ARHGAP28: variants seen among roughly 807,000 people sequenced by gnomAD.
The protein encoded by ARHGAP28 is rho GTPase-activating protein 28.
ARHGAP28 carries 56 observed loss-of-function variants against 90.7 expected under a neutral mutation model. The observed-to-expected ratio is 0.62, with a 90% CI of 0.50 to 0.77. The LOEUF is 0.77. ARHGAP28 is among the 30% of genes least tolerant of loss of function. The pLI is 0.00. For missense variants in ARHGAP28, 869 were observed against 900.9 expected (o/e 0.96, Z 0.45); for synonymous variants, 308 against 323.3 (o/e 0.95, Z 0.51).
At chr18:6,882,422 G>T in intron 11 of ARHGAP28, 123 bp downstream of exon 11, 1 of 911,816 alleles carries the variant, frequency 1.1e-6, no homozygotes, top group Non-Finnish European at 1.6e-6. Flanking sequence ...AGTGCTTGGT[G>T]GAATATTAAG....
rs150703878 is a variant in ARHGAP28 at position 6,777,754 on chromosome 18, A to ATGAATGAG, written c.123-47001_123-47000insGTGAATGA. On this transcript the variant is annotated intron_variant, in intron 1 of 17. Transcript: ENST00000383472. ...AATGAATGAATGAATGAATGAGTGA[A>ATGAATGAG]TGAATGAATGAATGAATAAAACAGT... is the stretch of plus-strand genomic sequence containing the variant. Among the ~76,000 whole-genome samples the ATGAATGAG allele has an allele frequency of 1.2e-3, 188 of 150,968 alleles. 3 individuals are homozygous for ATGAATGAG. Among genetic ancestry groups the ATGAATGAG allele is most frequent in the East Asian group, 0.011 (56 of 5,076 alleles).
intron 1 of ARHGAP28, among the ~76,000 whole-genome samples, chr18:6,766,913 G>A (rs1039982617): frequency 2.6e-5 from 4 of 152,112 alleles, no homozygotes; most frequent in African/African-American, 4.8e-5. Flanking sequence ...GTCATATCTT[G>A]GTCCGTCCTT....
intron 1 of ARHGAP28, among the ~76,000 whole-genome samples, chr18:6,740,125 A>T (rs1416245943): frequency 6.6e-6 from 1 of 152,210 alleles, no homozygotes; most frequent in Non-Finnish European, 1.5e-5. Context: ...AAGTGCTGGG[A>T]TTACAGGCAT....
intron 1 of ARHGAP28, among the ~76,000 whole-genome samples, chr18:6,752,440 C>A (rs72882592): frequency 0.036 from 5,460 of 152,262 alleles, 128 homozygotes; most frequent in South Asian, 0.049. Context: ...AGTCAATAAA[C>A]GTCTAGCGCT....
At chr18:6,861,173 C>T (rs73941145) in intron 5 of ARHGAP28, among the ~76,000 whole-genome samples, 2,703 of 152,270 alleles carry the variant, frequency 0.018, 90 homozygotes, top group African/African-American at 0.062. Context: ...TATCTTCCAC[C>T]ACAGCTTGTG....
intron 14 of ARHGAP28, among the ~76,000 whole-genome samples, chr18:6,891,741 C>G (rs2057267064): frequency 6.6e-6 from 1 of 152,112 alleles, no homozygotes; most frequent in African/African-American, 2.4e-5. Flanking sequence ...ATGCATACCA[C>G]CATACCTGGC....
intron 1 of ARHGAP28, chr18:6,791,401 A>AC (rs1400613462): frequency 6.6e-6 from 1 of 152,172 alleles, no homozygotes; most frequent in Non-Finnish European, 1.5e-5. Flanking sequence ...TCACAGACAC[A>AC]CCCAGGATCA....
rs77617074 is a variant in ARHGAP28, at chr18:6,808,431, T to C, written c.123-16331T>C. 6.5e-4 allele frequency among the ~76,000 whole-genome samples: 99 copies of C among 152,316 alleles called. 2 individuals are homozygous for C. The East Asian group carries it at 0.018, about 27-fold the overall frequency. On this transcript the variant is annotated intron_variant, in intron 1 of 17. Transcript: ENST00000383472. ...TCTATTGAGATTTTTCTTCTCATTA[T>C]TTGTTCCTTTTTCTTTCTTTTTCAT... is the stretch of plus-strand genomic sequence containing the variant.
Position 6,729,941 on chromosome 18 carries a change from C to T in ARHGAP28, c.120C>T (p.Ser40=), listed in dbSNP as rs1016818573. The change falls in exon 1 of 18, where the codon AGC becomes AGT. Residue 40 remains serine, a splice_region_variant and synonymous_variant. Coordinates refer to ENST00000383472, the MANE Select transcript of ARHGAP28 (RefSeq NM_001366230.1). ...APRAAASHPL[S]RKSIPRCRRI... ...GCGCCGCAGCCAGCCACCCGCTCAG[C>T]AGGTACCCGGAGCCGCTCCCACCAG... The T allele has an allele frequency of 2.6e-4, 356 of 1,372,960 alleles. No individual in the cohort carries two copies. Among genetic ancestry groups the T allele is most frequent in the Non-Finnish European group, 3.0e-4 (320 of 1,067,696 alleles). 85.0% of individuals were successfully genotyped at this position (1,372,960 alleles called of 1,614,324 possible). A position where few individuals can be genotyped will look rare whatever the true frequency, so the allele number is the denominator to read the frequency against.
intron 7 of ARHGAP28, among the ~76,000 whole-genome samples, chr18:6,872,429 TGAATGAATAAAA>T (rs2057097271): frequency 6.6e-6 from 1 of 152,202 alleles, no homozygotes; most frequent in African/African-American, 2.4e-5. Flanking sequence ...GAGCAATTAT[TGAATGAATAAAA>T]GAATGAATGA....
chr18:6,908,180 C>T lies in ARHGAP28; in HGVS notation c.2031-780C>T, dbSNP rs186880612. Among the ~76,000 whole-genome samples the T allele has an allele frequency of 2.7e-3, 407 of 151,506 alleles. 2 individuals carry two copies. The highest frequency in any genetic ancestry group is 9.5e-3 in the African/African-American group (392 of 41,264). On this transcript the variant is annotated intron_variant, in intron 16 of 17. Coordinates refer to ENST00000383472, the MANE Select transcript of ARHGAP28 (RefSeq NM_001366230.1). The stretch of plus-strand genomic sequence containing the variant: ...CGAGATGGAGTTTCACTCTGTCGCC[C>T]AGGCTGGAGTGCAATGGCACGATCT...
chr18:6,769,729 A>G (rs2056227473), intron 1 of ARHGAP28, among the ~76,000 whole-genome samples: 1 of 152,208 alleles, frequency 6.6e-6, no homozygotes, highest in South Asian at 2.1e-4. Flanking sequence ...CTTATACTGC[A>G]CACTACCTTT....
At chr18:6,768,311 C>CAT (rs1486559797) in intron 1 of ARHGAP28, among the ~76,000 whole-genome samples, 2 of 152,044 alleles carry the variant, frequency 1.3e-5, no homozygotes, top group East Asian at 3.9e-4. Flanking sequence ...TGCTTCTTTG[C>CAT]ATATATGTAG....
intron 3 of ARHGAP28, among the ~76,000 whole-genome samples, chr18:6,838,150 CA>C (rs2056768808): frequency 6.6e-6 from 1 of 152,190 alleles, no homozygotes; most frequent in Non-Finnish European, 1.5e-5. Flanking sequence ...ATTATCTGCG[CA>C]AGATCCTAGG....
chr18:6,761,260 A>G (rs533644903), intron 1 of ARHGAP28, among the ~76,000 whole-genome samples: 2 of 152,248 alleles, frequency 1.3e-5, no homozygotes, highest in East Asian at 3.9e-4. Context: ...TCATAGGTGT[A>G]TTCTGTCTGT....
At position 6,870,591 on chromosome 18, in the gene ARHGAP28, T is replaced by A; in HGVS notation, c.813T>A (p.Asp271Glu). The A allele has an allele frequency of 6.2e-7, 1 of 1,608,648 alleles. No homozygotes were observed. Among genetic ancestry groups the A allele is most frequent in the Non-Finnish European group, 8.5e-7 (1 of 1,176,718 alleles). Residue 271 changes from aspartate to glutamate, a missense_variant and splice_region_variant, in exon 7 of 18, where the codon GAT becomes GAA. Asp to Glu is a conservative substitution (Grantham distance 45). Transcript: ENST00000383472. ...PGQPVQNAIS[D>E]DDFLEKNIPP... is the part of the protein sequence containing the mutation. ...CTGTATTCTTTGTTTTGTCTTTAGA[T>A]GATGATTTTCTGGAAAAGAACATTC...
intron 1 of ARHGAP28, among the ~76,000 whole-genome samples, chr18:6,771,485 G>A (rs1052174503): frequency 6.6e-6 from 1 of 152,172 alleles, no homozygotes; most frequent in Non-Finnish European, 1.5e-5. Flanking sequence ...CACAAGCAAA[G>A]CAAGAGCGTT....
rs192078330 is a variant in ARHGAP28 at position 6,836,654 on chromosome 18, T to G, written c.326-543T>G. Among the ~76,000 whole-genome samples, 7 of 152,260 alleles carry G rather than the reference T, an allele frequency of 4.6e-5. No individual in the cohort carries two copies. In the East Asian group the frequency reaches 1.4e-3, roughly 29 times the overall value. ...AACCACATCAAGAGTGACTAAGCCC[T>G]GCTTCTGGTATGAGAAAGTTAAGCC... On this transcript the variant is annotated intron_variant, in intron 2 of 17. Transcript: ENST00000383472.
At chr18:6,758,688 C>A (rs767452133) in intron 1 of ARHGAP28, among the ~76,000 whole-genome samples, 1 of 152,176 alleles carries the variant, frequency 6.6e-6, no homozygotes, top group Non-Finnish European at 1.5e-5. Flanking sequence ...TACAAATTGT[C>A]CAGTTTTCCT....
Sources: gnomAD v4.1 joint callset for allele counts (sites outside exome capture counted in the v4.1 genomes callset) on GRCh38, gnomAD v4.1.1 for gene constraint, MANE v1.5 for transcripts, NCBI Gene and HGNC (gene_info 2026-07-23, HGNC 2026-07-21) for gene names.